The following ADGRV1 variants were observed in gnomAD, a reference collection of about 807,000 sequenced individuals.
The protein encoded by ADGRV1 is adhesion G protein-coupled receptor V1.
ADGRV1 carries 359 observed loss-of-function variants against 596.2 expected under a neutral mutation model. The observed-to-expected ratio is 0.60, with a 90% confidence interval of 0.55 to 0.66. The LOEUF is 0.66. Ranked by LOEUF, ADGRV1 falls within the 30% of genes least tolerant of loss-of-function variation. ADGRV1 has a pLI of 0.00. For missense variants in ADGRV1, 7,274 were observed against 7,575.6 expected (o/e 0.96, Z 1.48); for synonymous variants, 2,681 against 2,679.2 (o/e 1.00, Z -0.02).
rs1170595672 is a variant in ADGRV1, at chr5:90,679,864, CCTT to C, written c.5524+239_5524+241del. Among the ~76,000 whole-genome samples the C allele has an allele frequency of 5.9e-5, 9 of 152,194 alleles. No homozygotes were observed. The East Asian group carries it at 7.7e-4, about 13-fold the overall frequency. On this transcript the variant is annotated intron_variant, in intron 26 of 89. Coordinates refer to ENST00000405460, the MANE Select transcript of ADGRV1 (RefSeq NM_032119.4). Reference sequence around the variant, plus strand: ...TTTCTGCTTCCAAAACCCAGACTCTCCTTCTTGTATGAACCTAATGTAGTTTCC... The same window carrying C: ...TTTCTGCTTCCAAAACCCAGACTCTCCTTGTATGAACCTAATGTAGTTTCC...
chr5:90,880,681 C>G (rs1220694679), intron 83 of ADGRV1, among the ~76,000 whole-genome samples: 1 of 152,116 alleles, frequency 6.6e-6, no homozygotes, highest in Non-Finnish European at 1.5e-5. Flanking sequence ...AAGATTTATC[C>G]TGGAGCCACC....
At chr5:90,853,658 T>A in intron 80 of ADGRV1, 125 bp downstream of exon 80, 1 of 814,848 alleles carries the variant, frequency 1.2e-6, no homozygotes. Context: ...TACTATGAAA[T>A]GTGTTCCATC....
intron 83 of ADGRV1, among the ~76,000 whole-genome samples, chr5:90,963,635 C>A (rs1031695207): frequency 6.6e-6 from 1 of 151,440 alleles, no homozygotes; most frequent in Non-Finnish European, 1.5e-5. Flanking sequence ...AATCAAGGTA[C>A]TTCTCATTTT....
intron 83 of ADGRV1, among the ~76,000 whole-genome samples, chr5:90,887,868 A>G (rs2150569624): frequency 6.6e-6 from 1 of 152,268 alleles, no homozygotes; most frequent in Admixed American, 6.5e-5. Context: ...AATTCACAAT[A>G]GCATTTTTGT....
At chr5:90,570,092 C>A (rs895738025) in intron 1 of ADGRV1, among the ~76,000 whole-genome samples, 12 of 151,922 alleles carry the variant, frequency 7.9e-5, no homozygotes, top group African/African-American at 2.9e-4. Context: ...TTCATTTCAC[C>A]CTGAAAGACT....
intron 85 of ADGRV1, among the ~76,000 whole-genome samples, chr5:91,056,875 G>C (rs1452989288): frequency 1.3e-5 from 2 of 152,094 alleles, no homozygotes; most frequent in Non-Finnish European, 2.9e-5. Flanking sequence ...AAAATCGCTC[G>C]AATTTACTTT....
At chr5:90,932,722 A>G (rs1174329492) in intron 83 of ADGRV1, among the ~76,000 whole-genome samples, 1 of 140,262 alleles carries the variant, frequency 7.1e-6, no homozygotes, top group Admixed American at 7.9e-5. Flanking sequence ...TCGCTGCAAA[A>G]GACAAACAGT....
intron 75 of ADGRV1, among the ~76,000 whole-genome samples, chr5:90,819,186 T>C (rs1401152670): frequency 2.6e-5 from 4 of 152,206 alleles, no homozygotes; most frequent in African/African-American, 9.7e-5. Flanking sequence ...CTTCTAGATA[T>C]TCTAGTTTAT....
Position 90,993,657 on chromosome 5 carries a change from T to C in ADGRV1, c.18152+8135T>C, listed in dbSNP as rs531466016. Among the ~76,000 whole-genome samples, 27 of 152,342 alleles carry C rather than the reference T, an allele frequency of 1.8e-4. No homozygotes were observed. In the South Asian group the frequency reaches 4.1e-3, roughly 23 times the overall value. On this transcript the variant is annotated intron_variant, in intron 85 of 89. Coordinates refer to ENST00000405460, the MANE Select transcript of ADGRV1 (RefSeq NM_032119.4). ...TAGGAGTAGAATTTGTTGGGTCATA[T>C]GATTTAACTTGCTGGTTTCAAGTAT...
chr5:91,000,876 A>G (rs1168253340), intron 85 of ADGRV1, among the ~76,000 whole-genome samples: 1 of 152,044 alleles, frequency 6.6e-6, no homozygotes, highest in African/African-American at 2.4e-5. Flanking sequence ...GGGCAGGAAG[A>G]ATTCTCTGTT....
intron 42 of ADGRV1, among the ~76,000 whole-genome samples, chr5:90,712,678 T>C (rs779273503): frequency 3.3e-5 from 5 of 152,160 alleles, no homozygotes; most frequent in Non-Finnish European, 7.4e-5. Flanking sequence ...TTTCCTCAGT[T>C]ATTGTAGGAT....
intron 21 of ADGRV1, among the ~76,000 whole-genome samples, chr5:90,664,250 G>C (rs1247136990): frequency 7.0e-6 from 1 of 142,270 alleles, no homozygotes; most frequent in African/African-American, 2.7e-5. Context: ...CATGAGCATG[G>C]AATGTTCTTC....
At chr5:90,961,503 A>T (rs1300380341) in intron 83 of ADGRV1, among the ~76,000 whole-genome samples, 1 of 118,992 alleles carries the variant, frequency 8.4e-6, no homozygotes, top group Admixed American at 7.7e-5. Context: ...AAAAAAAAAA[A>T]AAAAGGGGGG....
intron 85 of ADGRV1, among the ~76,000 whole-genome samples, chr5:91,042,181 A>C (rs1785418466): frequency 6.6e-6 from 1 of 152,210 alleles, no homozygotes; most frequent in African/African-American, 2.4e-5. Context: ...AGAGTAGTTA[A>C]TACATGATGA....
chr5:90,895,859 T>A (rs2150604421), intron 83 of ADGRV1, among the ~76,000 whole-genome samples: 1 of 152,304 alleles, frequency 6.6e-6, no homozygotes, highest in Admixed American at 6.5e-5. Context: ...CATCCAAAAG[T>A]ATAGTCTTCA....
intron 86 of ADGRV1, among the ~76,000 whole-genome samples, chr5:91,079,911 T>G (rs958861277): frequency 1.3e-5 from 2 of 152,200 alleles, no homozygotes; most frequent in African/African-American, 4.8e-5. Context: ...TGGCACTGCA[T>G]GTAAGTGCAG....
intron 35 of ADGRV1, 127 bp downstream of exon 35, chr5:90,703,922 G>T: frequency 1.5e-6 from 1 of 665,634 alleles, no homozygotes; most frequent in South Asian, 2.2e-5. Context: ...TACTTCGTAT[G>T]AATTCTTTGA....
At chr5:91,139,831 C>T (rs1405420749) in intron 87 of ADGRV1, among the ~76,000 whole-genome samples, 3 of 152,100 alleles carry the variant, frequency 2.0e-5, no homozygotes, top group Non-Finnish European at 4.4e-5. Context: ...TGAACAAATG[C>T]CTCTTTCTCT....
intron 83 of ADGRV1, among the ~76,000 whole-genome samples, chr5:90,875,637 T>C (rs1346613337): frequency 1.3e-5 from 2 of 152,164 alleles, no homozygotes; most frequent in East Asian, 1.9e-4. Context: ...CTGGGTCAGG[T>C]AGGTGCTCTG....
Sources: gnomAD v4.1 joint callset for allele counts (sites outside exome capture counted in the v4.1 genomes callset) on GRCh38, gnomAD v4.1.1 for gene constraint, MANE v1.5 for transcripts, NCBI Gene and HGNC (gene_info 2026-07-23, HGNC 2026-07-21) for gene names.